The following NR2F6 variants were observed in gnomAD, a reference collection of about 807,000 sequenced individuals.
The protein encoded by NR2F6 is ERBA-related gene-2.
Under a neutral mutation model 26.5 loss-of-function variants are expected in NR2F6, and 16 were observed. The observed-to-expected ratio is 0.60, with a 90% CI of 0.41 to 0.92. The LOEUF is 0.92. NR2F6 is among the 40% of genes least tolerant of loss of function. The pLI, the probability that NR2F6 is intolerant of heterozygous loss-of-function variation, is 0.00. For synonymous variants in NR2F6, 325 were observed against 305.0 expected (o/e 1.07, Z -0.68); for missense variants, 536 against 631.7 (o/e 0.85, Z 1.62).
chr19:17,233,061 C>T (rs769305520), intron 3 of NR2F6, among the ~76,000 whole-genome samples: 2 of 152,144 alleles, frequency 1.3e-5, no homozygotes, highest in African/African-American at 2.4e-5. Flanking sequence ...ATGGGAGGAT[C>T]GCTTGAGCCT....
At position 17,235,874 on chromosome 19, in the gene NR2F6, C is replaced by A; in HGVS notation, c.565G>T (p.Gly189Trp). ...YPAAAGRFGA[G>W]GGAAGAVLGI... ...AGCACCGCGCCCGCCGCGCCGCCCC[C>A]TGCGCCGAAGCGTCCGGCCGCCGCA... Residue 189 changes from glycine to tryptophan, a missense_variant, in exon 3 of 4, where the codon GGG becomes TGG. Transcript: ENST00000291442. This position sits in a 1 kb window ranked among gnomAD's most constrained non-coding sequence, Gnocchi z 5.0. 1 of 1,465,302 alleles carries A rather than the reference C, an allele frequency of 6.8e-7. No individual in the cohort carries two copies. The highest frequency in any genetic ancestry group is 9.0e-7 in the Non-Finnish European group (1 of 1,117,082). The allele number at this position is 1,465,302 out of a possible 1,614,324, so 90.8% of individuals were successfully genotyped here.
rs1003657860 is a variant in NR2F6 at position 17,232,279 on chromosome 19, C to T, written c.*73G>A. ...GAGTCCTGGGCCCCGGGAGGCCCCTCGAGGCCTCAGCATTCCCTGTCCCTT... is the reference window on the plus strand; with the variant it reads ...GAGTCCTGGGCCCCGGGAGGCCCCTTGAGGCCTCAGCATTCCCTGTCCCTT... On this transcript the variant is annotated 3_prime_UTR_variant, in exon 4 of 4. Transcript: ENST00000291442. The T allele has an allele frequency of 2.5e-5, 39 of 1,586,782 alleles. No homozygotes were observed. In the East Asian group the frequency reaches 4.9e-4, roughly 20 times the overall value.
intron 3 of NR2F6, among the ~76,000 whole-genome samples, chr19:17,234,740 A>T (rs995455197): frequency 1.3e-5 from 2 of 152,150 alleles, no homozygotes; most frequent in Non-Finnish European, 2.9e-5. Context: ...CTGTGGTCCC[A>T]GCTACTCAAG....
chr19:17,235,392 G>C lies in NR2F6; in HGVS notation c.940+107C>G. 1 of 1,492,922 alleles carries C rather than the reference G, an allele frequency of 6.7e-7. No homozygotes were observed. 92.5% of individuals were successfully genotyped at this position (1,492,922 alleles called of 1,614,324 possible). ...CGGCGCGTGCAGGGCCCCAGGCCTA[G>C]GGAGCGAGCGGGGCGCTATGGGGGC... On this transcript the variant is annotated intron_variant, in intron 3 of 3. Transcript: ENST00000291442. The surrounding 1 kb of genome is among the most constrained non-coding windows in gnomAD (Gnocchi z 5.0).
At chr19:17,242,125 C>T (rs566432244) in intron 1 of NR2F6, among the ~76,000 whole-genome samples, 3 of 151,682 alleles carry the variant, frequency 2.0e-5, no homozygotes, top group Non-Finnish European at 2.9e-5. Flanking sequence ...TTGAGACCAG[C>T]CTGAACAACA....
Position 17,235,552 on chromosome 19 carries a change from T to G in NR2F6, c.887A>C (p.Gln296Pro). 1 of 1,596,144 alleles carries G rather than the reference T, an allele frequency of 6.3e-7. No homozygotes were observed. The highest frequency in any genetic ancestry group is 8.5e-7 in the Non-Finnish European group (1 of 1,177,594). ...GCAGCCATACTCGGCCGAGTCGACCTGCAGGCGGCCCAGCTTGTCCACCTG... is the reference window on the plus strand; with the variant it reads ...GCAGCCATACTCGGCCGAGTCGACCGGCAGGCGGCCCAGCTTGTCCACCTG... ...QEQVDKLGRL[Q>P]VDSAEYGCLK... Residue 296 changes from glutamine (Q) to proline (P), a missense_variant, in exon 3 of 4, where the codon CAG becomes CCG. Coordinates refer to ENST00000291442, the MANE Select transcript of NR2F6 (RefSeq NM_005234.4). The surrounding 1 kb of genome is among the most constrained non-coding windows in gnomAD (Gnocchi z 5.0).
chr19:17,238,885 T>C (rs1357905205), intron 2 of NR2F6, among the ~76,000 whole-genome samples: 2 of 151,892 alleles, frequency 1.3e-5, no homozygotes, highest in Non-Finnish European at 2.9e-5. Flanking sequence ...CTGGGCAACA[T>C]AGTGGGACTC....
chr19:17,239,385 G>A (rs543346434), intron 2 of NR2F6, among the ~76,000 whole-genome samples: 4 of 151,156 alleles, frequency 2.6e-5, no homozygotes, highest in African/African-American at 7.3e-5. Flanking sequence ...TGCCGGGCGC[G>A]GTGGCTTACG....
At chr19:17,233,939 G>C (rs2073421787) in intron 3 of NR2F6, among the ~76,000 whole-genome samples, 1 of 151,968 alleles carries the variant, frequency 6.6e-6, no homozygotes, top group Non-Finnish European at 1.5e-5. Flanking sequence ...AAGAAATCTG[G>C]GAAGGCCAGG....
chr19:17,240,531 G>A (rs955959813), intron 2 of NR2F6, 140 bp downstream of exon 2: 27 of 858,668 alleles, frequency 3.1e-5, no homozygotes, highest in South Asian at 4.3e-5. Context: ...AGCAGGCGCC[G>A]GCCCCCACCC....
intron 1 of NR2F6, among the ~76,000 whole-genome samples, chr19:17,243,865 AC>A (rs1407614288): frequency 6.6e-6 from 1 of 152,062 alleles, no homozygotes; most frequent in Non-Finnish European, 1.5e-5. Context: ...TCCATGTCCA[AC>A]GCAAAGCAGG....
At chr19:17,236,951 C>T (rs1053875235) in intron 2 of NR2F6, among the ~76,000 whole-genome samples, 3 of 152,234 alleles carry the variant, frequency 2.0e-5, no homozygotes, top group Admixed American at 1.3e-4. Flanking sequence ...GAGAGTTGGC[C>T]ATGTGCCTGC....
At chr19:17,241,435 C>T (rs1400532803) in intron 1 of NR2F6, among the ~76,000 whole-genome samples, 3 of 152,240 alleles carry the variant, frequency 2.0e-5, no homozygotes, top group Non-Finnish European at 4.4e-5. Context: ...CTGGTCAGCC[C>T]TCAGTGAATG....
rs2073433093 is a variant in NR2F6, at chr19:17,235,777, G to GGC, written c.660_661dup (p.Pro221ArgfsTer18). 1 of 1,496,182 alleles carries GGC rather than the reference G, an allele frequency of 6.7e-7. No homozygotes were observed. The highest frequency in any genetic ancestry group is 1.5e-5 in the African/African-American group (1 of 68,500). The allele number at this position is 1,496,182 out of a possible 1,614,324, so 92.7% of individuals were successfully genotyped here. Reference sequence around the variant, plus strand: ...GGCCACCGGCAGCTCGGGGAAGAAGGGCGCGTGGCGCGCCCACTCCACGGT... The same window carrying GGC: ...GGCCACCGGCAGCTCGGGGAAGAAGGGCGCGCGTGGCGCGCCCACTCCACGGT... On this transcript the variant is annotated frameshift_variant, in exon 3 of 4. Transcript: ENST00000291442. LOFTEE classifies it high-confidence loss of function. The surrounding 1 kb of genome is among the most constrained non-coding windows in gnomAD (Gnocchi z 5.0).
chr19:17,238,150 C>T (rs2073449732), intron 2 of NR2F6, among the ~76,000 whole-genome samples: 1 of 152,140 alleles, frequency 6.6e-6, no homozygotes, highest in South Asian at 2.1e-4. Flanking sequence ...TGTCACCAAT[C>T]ACTGAATTAA....
At chr19:17,243,383 A>G (rs544393114) in intron 1 of NR2F6, among the ~76,000 whole-genome samples, 1 of 152,136 alleles carries the variant, frequency 6.6e-6, no homozygotes, top group Non-Finnish European at 1.5e-5. Flanking sequence ...TGCTCAATCC[A>G]TTTGAAGCTC....
Position 17,245,136 on chromosome 19 carries a change from C to T in NR2F6, c.85G>A (p.Glu29Lys). ...DKAGGYPRAA[E>K]DDSASPPGAA... ...CCGGGGGGCGAGGCCGAGTCGTCCT[C>T]GGCCGCGCGCGGGTAGCCGCCCGCC... The change falls in exon 1 of 4, where the codon GAG (glutamate) becomes AAG (lysine). Residue 29 changes from glutamate to lysine, a missense_variant. Transcript: ENST00000291442. The surrounding 1 kb of genome is among the most constrained non-coding windows in gnomAD (Gnocchi z 5.0). The T allele has an allele frequency of 6.9e-7, 1 of 1,443,400 alleles. No individual in the cohort carries two copies. The highest frequency in any genetic ancestry group is 3.0e-5 in the East Asian group (1 of 33,376). The allele number at this position is 1,443,400 out of a possible 1,614,324, so 89.4% of individuals were successfully genotyped here.
At position 17,235,186 on chromosome 19, in the gene NR2F6, G is replaced by A. The variant is rs371519179; in HGVS notation, c.940+313C>T. Among the ~76,000 whole-genome samples the A allele has an allele frequency of 6.6e-6, 1 of 152,240 alleles. No homozygotes were observed. Among genetic ancestry groups the A allele is most frequent in the African/African-American group, 2.4e-5 (1 of 41,476 alleles). Reference sequence around the variant, plus strand: ...AGAGCCCTTTGGTGAGGGAGTAGGGGTCTCAGGGAGCCTGGGAACAGGAAG... The same window carrying A: ...AGAGCCCTTTGGTGAGGGAGTAGGGATCTCAGGGAGCCTGGGAACAGGAAG... On this transcript the variant is annotated intron_variant, in intron 3 of 3. Coordinates refer to ENST00000291442, the MANE Select transcript of NR2F6 (RefSeq NM_005234.4). The surrounding 1 kb of genome is among the most constrained non-coding windows in gnomAD (Gnocchi z 5.0).
At chr19:17,244,016 C>T (rs4808611) in intron 1 of NR2F6, among the ~76,000 whole-genome samples, 25,076 of 152,016 alleles carry the variant, frequency 0.16, 2,232 homozygotes, top group Non-Finnish European at 0.18. Flanking sequence ...CGGATGCTCG[C>T]CCGGGAACGG....
Sources: allele counts gnomAD v4.1 joint callset (sites outside exome capture counted in the v4.1 genomes callset), GRCh38; gene constraint gnomAD v4.1.1; non-coding constraint Gnocchi (gnomAD v3.1); transcripts MANE v1.5; gene names NCBI Gene and HGNC (gene_info 2026-07-23, HGNC 2026-07-21).